Variants in DDB1 observed in about 807,000 individuals in gnomAD.
DDB1 encodes the protein damage specific DNA binding protein 1.
Under a neutral mutation model 133.1 loss-of-function variants are expected in DDB1, and 18 were observed. The observed-to-expected ratio is 0.14, with a 90% CI of 0.09 to 0.20. DDB1 has a LOEUF of 0.20. Ranked by LOEUF, DDB1 falls within the 10% of genes least tolerant of loss-of-function variation. The pLI is 1.00. For synonymous variants in DDB1, 580 were observed against 550.5 expected, an observed-to-expected ratio of 1.05 and a Z score of -0.75; for missense variants, 828 against 1,459.2, an observed-to-expected ratio of 0.57 and a Z score of 7.05.
In DDB1 at chr11:61,329,890, T is replaced by C. The variant is rs28720259; in HGVS notation, c.327+68A>G. On this transcript the variant is annotated intron_variant, in intron 3 of 26. Coordinates refer to ENST00000301764, the MANE Select transcript of DDB1 (RefSeq NM_001923.5). ...GAATAGAGAGCTGCCCCCAGCACTT[T>C]AATTTTTTCCATGAATCATGACAGC... is the stretch of plus-strand genomic sequence containing the variant. 3,313 of 1,370,088 alleles carry C rather than the reference T, an allele frequency of 2.4e-3. 26 individuals carry two copies. Among genetic ancestry groups the C allele is most frequent in the African/African-American group, 0.018 (1,221 of 69,642 alleles). 84.9% of individuals were successfully genotyped at this position (1,370,088 alleles called of 1,614,324 possible).
At chr11:61,331,741 T>A (rs1347743277) in intron 1 of DDB1, 50 bp from the exon 2 acceptor site, 2 of 1,608,908 alleles carry the variant, frequency 1.2e-6, no homozygotes, top group Non-Finnish European at 1.7e-6. Flanking sequence ...GGGCCTCCCA[T>A]CCCTTCAAAA....
intron 21 of DDB1, among the ~76,000 whole-genome samples, chr11:61,304,575 G>A (rs1855854493): frequency 6.6e-6 from 1 of 152,172 alleles, no homozygotes; most frequent in African/African-American, 2.4e-5. Flanking sequence ...CCCCGCAAGA[G>A]GGAAAAAGAA....
chr11:61,313,074 A>C (rs2134910589), intron 16 of DDB1, among the ~76,000 whole-genome samples: 1 of 152,290 alleles, frequency 6.6e-6, no homozygotes, highest in South Asian at 2.1e-4. Context: ...CGGCCTCCCA[A>C]AGTGCCGGGA....
intron 12 of DDB1, 39 bp downstream of exon 12, chr11:61,316,246 C>G (rs1365355875): frequency 8.3e-6 from 13 of 1,575,220 alleles, no homozygotes; most frequent in Non-Finnish European, 1.1e-5. Context: ...TAGGTCAATT[C>G]AAGTATATGG....
rs577469454 is a variant in DDB1, at chr11:61,325,570, A to C, written c.762+41T>G. On this transcript the variant is annotated intron_variant, in intron 6 of 26. Transcript: ENST00000301764. The stretch of plus-strand genomic sequence containing the variant: ...AGGGAGGAGCAAGGTGAGGACAAGG[A>C]AAGAAAAGATGAAAGGAAAAAAAGG... 3.0e-5 allele frequency: 46 copies of C among 1,550,006 alleles called. 1 individual carries two copies. In the South Asian group the frequency reaches 4.9e-4, roughly 17 times the overall value.
chr11:61,317,783 G>C (rs1048841992), intron 10 of DDB1, among the ~76,000 whole-genome samples: 1 of 152,200 alleles, frequency 6.6e-6, no homozygotes, highest in Non-Finnish European at 1.5e-5. Context: ...GGGATTACAG[G>C]TGTGAGCCAC....
rs549127561 is a variant in DDB1 at position 61,304,959 on chromosome 11, A to C, written c.2662-924T>G. On this transcript the variant is annotated intron_variant, in intron 21 of 26. Coordinates refer to ENST00000301764, the MANE Select transcript of DDB1 (RefSeq NM_001923.5). ...CTTCTTCAATTACAACCACATCTCC[A>C]AAAGAATGAAAATGCTTTATCATCA... Among the ~76,000 whole-genome samples, 8 of 152,290 alleles carry C rather than the reference A, an allele frequency of 5.3e-5. No homozygotes were observed. In the East Asian group the frequency reaches 1.4e-3, roughly 26 times the overall value.
intron 21 of DDB1, among the ~76,000 whole-genome samples, chr11:61,306,743 C>A (rs1005434623): frequency 6.6e-5 from 10 of 152,136 alleles, no homozygotes; most frequent in African/African-American, 2.4e-4. Flanking sequence ...AACGCCCTGA[C>A]CCCTCTCCCC....
intron 25 of DDB1, chr11:61,301,164 A>T: frequency 1.8e-6 from 1 of 546,866 alleles, no homozygotes; most frequent in Non-Finnish European, 3.1e-6. Context: ...TTAAAAGTAC[A>T]GATCAGAGTC....
Position 61,316,381 on chromosome 11 carries a change from T to C in DDB1, c.1314A>G (p.Leu438=), listed in dbSNP as rs769449002. The C allele has an allele frequency of 1.2e-6, 2 of 1,614,036 alleles. No individual in the cohort carries two copies. Among genetic ancestry groups the C allele is most frequent in the Non-Finnish European group, 1.7e-6 (2 of 1,179,976 alleles). The change falls in exon 12 of 27, where the codon TTA becomes TTG. Residue 438 remains leucine, a synonymous_variant. Transcript: ENST00000301764. ...CGGTTTCTTCTACCTCCTCTCCATT[T>C]AACATGAGAACTCTGCAGCAGAATG... ...SFVGQTRVLM[L]NGEEVEETEL...
At chr11:61,325,587 A>C in intron 6 of DDB1, 24 bp downstream of exon 6, 1 of 1,587,856 alleles carries the variant, frequency 6.3e-7, no homozygotes, top group South Asian at 1.1e-5. Context: ...AGATGAAAGG[A>C]AAAAAAGGTA....
chr11:61,316,593 T>C, intron 10 of DDB1, 26 bp from the exon 11 acceptor site: 1 of 1,612,846 alleles, frequency 6.2e-7, no homozygotes, highest in Admixed American at 1.7e-5. Context: ...AGGATTCAGA[T>C]GCATAGGACA....
chr11:61,306,137 AC>A (rs140451701), intron 21 of DDB1, among the ~76,000 whole-genome samples: 14,119 of 152,084 alleles, frequency 0.093, 841 homozygotes, highest in Middle Eastern at 0.24. Context: ...CTCAAATGCC[AC>A]CCTCCACCCT....
Position 61,313,669 on chromosome 11 carries a change from G to C in DDB1, c.1899C>G (p.Thr633=), listed in dbSNP as rs2230357. The change falls in exon 16 of 27, where the codon ACC becomes ACG. Residue 633 remains threonine, a synonymous_variant. Transcript: ENST00000301764. ...GAAAAGTCCTCAATACGGTGGGCTG[G>C]GTGCCCAAAGTCACCTTCTTACGGT... ...LSDRKKVTLG[T]QPTVLRTFRS... is the part of the protein sequence containing the mutation. 1 of 1,613,526 alleles carries C rather than the reference G, an allele frequency of 6.2e-7. No homozygotes were observed. The highest frequency in any genetic ancestry group is 8.5e-7 in the Non-Finnish European group (1 of 1,179,742).
At chr11:61,311,008 C>A (rs1423894208) in intron 18 of DDB1, 3 of 152,306 alleles carry the variant, frequency 2.0e-5, no homozygotes, top group Admixed American at 1.3e-4. Context: ...AATTCCAGCA[C>A]TTCGGGAGGC....
At position 61,300,177 on chromosome 11, in the gene DDB1, C is replaced by G; in HGVS notation, c.3382G>C (p.Asp1128His). 1 of 1,614,200 alleles carries G rather than the reference C, an allele frequency of 6.2e-7. No homozygotes were observed. The highest frequency in any genetic ancestry group is 8.5e-7 in the Non-Finnish European group (1 of 1,180,034). Residue 1128 changes from aspartate (D) to histidine (H), a missense_variant, in exon 27 of 27, where the codon GAC becomes CAC. By Grantham distance (81) the Asp-to-His change is moderately conservative. Transcript: ENST00000301764. ...AGCTCCTCCACAACCTTGATGAGGTCGTCTGCAGTGGCCTCTCGCTTCATA... is the reference window on the plus strand; with the variant it reads ...AGCTCCTCCACAACCTTGATGAGGTGGTCTGCAGTGGCCTCTCGCTTCATA... The part of the protein sequence containing the change: ...SGMKREATAD[D>H]LIKVVEELTR...
At position 61,314,347 on chromosome 11, in the gene DDB1, T is replaced by C. The variant is rs56006697; in HGVS notation, c.1550A>G (p.Tyr517Cys). ...CTCCTGAGGATGGATCTGCAGATAG[T>C]AGAGGGCCCTGCCTACAGCCACCAC... ...QVVVAVGRAL[Y>C]YLQIHPQELR... is the part of the protein sequence containing the mutation. Residue 517 changes from tyrosine (Y) to cysteine (C), a missense_variant, in exon 13 of 27, where the codon TAC (tyrosine) becomes TGC (cysteine). Tyr to Cys is a radical substitution (Grantham distance 194, BLOSUM62 -2). This residue lies in a region of DDB1 where 396 missense variants were observed against 554.1 expected (regional missense o/e 0.71). Coordinates refer to ENST00000301764, the MANE Select transcript of DDB1 (RefSeq NM_001923.5). 6.9e-5 allele frequency: 112 copies of C among 1,614,016 alleles called. 1 individual carries two copies. The East Asian group carries it at 2.0e-3, about 29-fold the overall frequency.
intron 20 of DDB1, 110 bp from the exon 21 acceptor site, chr11:61,309,187 A>G: frequency 4.1e-6 from 4 of 977,068 alleles, no homozygotes; most frequent in Non-Finnish European, 6.4e-6. Flanking sequence ...AAAACCACTC[A>G]TCTAAAAAAA....
At chr11:61,322,094 T>C (rs1324822563) in intron 9 of DDB1, 1 of 595,568 alleles carries the variant, frequency 1.7e-6, no homozygotes, top group Non-Finnish European at 3.0e-6. Flanking sequence ...GGTACTTGTG[T>C]AATTAGAGAT....
Sources: allele counts gnomAD v4.1 joint callset (sites outside exome capture counted in the v4.1 genomes callset), GRCh38; gene constraint gnomAD v4.1.1; regional missense constraint gnomAD v4.1.1; transcripts MANE v1.5; gene names NCBI Gene and HGNC (gene_info 2026-07-23, HGNC 2026-07-21).